The following ADAMTSL1 variants were observed in gnomAD, a reference collection of about 807,000 sequenced individuals.
The protein encoded by ADAMTSL1 is ADAMTS-like protein 1.
A neutral mutation model predicts 201.8 loss-of-function variants in ADAMTSL1; 126 were observed. The observed-to-expected ratio is 0.62, with a 90% CI of 0.54 to 0.72. The LOEUF (loss-of-function observed/expected upper bound fraction) is 0.72. ADAMTSL1 is among the 30% of genes least tolerant of loss of function. ADAMTSL1 has a pLI of 0.00. For synonymous variants in ADAMTSL1, 1,121 were observed against 903.4 expected (o/e 1.24, Z -4.32); for missense variants, 2,679 against 2,277.8 (o/e 1.18, Z -3.59).
intron 23 of ADAMTSL1, among the ~76,000 whole-genome samples, chr9:18,847,582 G>A (rs1826207823): frequency 6.6e-6 from 1 of 152,236 alleles, no homozygotes; most frequent in African/African-American, 2.4e-5. Flanking sequence ...CAACAGGCCA[G>A]AGAGGGCTCA....
rs746376990 is a variant in ADAMTSL1, at chr9:18,908,441, G to C, written c.5183-1G>C. On this transcript the variant is annotated splice_acceptor_variant, in intron 28 of 28. Coordinates refer to ENST00000380548, the MANE Select transcript of ADAMTSL1 (RefSeq NM_001040272.6). LOFTEE classifies it high-confidence loss of function. ...CTCCCGACCCCGTCCTCCTTTCCCA[G>C]TGGAGTGCAGAGACACCACCAGGTA... The C allele has an allele frequency of 1.9e-6, 3 of 1,555,550 alleles. No individual in the cohort carries two copies. The highest frequency in any genetic ancestry group is 1.9e-5 in the Admixed American group (1 of 51,316).
chr9:18,099,355 A>ATATATATATATATATATATATATATATAT (rs1239180390), intron 1 of ADAMTSL1, among the ~76,000 whole-genome samples: 3 of 45,546 alleles, frequency 6.6e-5, no homozygotes, highest in Non-Finnish European at 8.1e-5. Context: ...ATATATATAT[A>ATATATATATATATATATATATATATATAT]TTTTTTTTTT....
chr9:17,935,337 C>T (rs1826961870), intron 1 of ADAMTSL1, among the ~76,000 whole-genome samples: 1 of 152,110 alleles, frequency 6.6e-6, no homozygotes, highest in African/African-American at 2.4e-5. Context: ...TCATTTTTTT[C>T]CACACCTACT....
chr9:18,699,632 T>G (rs1360594869), intron 13 of ADAMTSL1, among the ~76,000 whole-genome samples: 1 of 152,188 alleles, frequency 6.6e-6, no homozygotes, highest in Non-Finnish European at 1.5e-5. Context: ...GCCTGGCCAC[T>G]TTAATATGTT....
chr9:17,926,397 C>A (rs757455007), intron 1 of ADAMTSL1, among the ~76,000 whole-genome samples: 2 of 152,136 alleles, frequency 1.3e-5, no homozygotes, highest in African/African-American at 2.4e-5. Flanking sequence ...TTTCACCACT[C>A]GGCCACATCA....
chr9:18,378,034 C>T (rs1398534884), intron 2 of ADAMTSL1, among the ~76,000 whole-genome samples: 4 of 152,104 alleles, frequency 2.6e-5, no homozygotes, highest in African/African-American at 4.8e-5. Flanking sequence ...GATGAGCCCC[C>T]GATGATGAGA....
intron 1 of ADAMTSL1, among the ~76,000 whole-genome samples, chr9:18,103,415 A>G (rs1316807196): frequency 6.6e-6 from 1 of 152,180 alleles, no homozygotes; most frequent in Non-Finnish European, 1.5e-5. Context: ...GGGGATTTTT[A>G]TGATGTCAAG....
At chr9:18,705,343 C>T (rs969643967) in intron 13 of ADAMTSL1, among the ~76,000 whole-genome samples, 4 of 152,176 alleles carry the variant, frequency 2.6e-5, no homozygotes, top group Non-Finnish European at 5.9e-5. Context: ...AAGTTTTTGT[C>T]TGAATTACAC....
At chr9:18,626,684 G>A (rs1826375110) in intron 5 of ADAMTSL1, among the ~76,000 whole-genome samples, 1 of 152,158 alleles carries the variant, frequency 6.6e-6, no homozygotes, top group African/African-American at 2.4e-5. Context: ...ACTGAGAATA[G>A]ACTGTAGTTG....
At chr9:18,795,269 G>C in intron 19 of ADAMTSL1, 128 bp from the exon 20 acceptor site, 1 of 1,201,252 alleles carries the variant, frequency 8.3e-7, no homozygotes, top group Non-Finnish European at 1.2e-6. Context: ...CCTTGTAGCT[G>C]GTTTGTCTCT....
chr9:18,049,322 T>C (rs979718621), intron 1 of ADAMTSL1, among the ~76,000 whole-genome samples: 2 of 152,146 alleles, frequency 1.3e-5, no homozygotes, highest in African/African-American at 4.8e-5. Context: ...CCTCTACCAG[T>C]GGTGATTTTC....
intron 1 of ADAMTSL1, among the ~76,000 whole-genome samples, chr9:18,156,047 G>A (rs1339342769): frequency 6.6e-6 from 1 of 152,002 alleles, no homozygotes; most frequent in African/African-American, 2.4e-5. Flanking sequence ...GCAGCCTAGT[G>A]CTAGGAAAGT....
At chr9:18,495,774 G>T (rs1277208325) in intron 1 of ADAMTSL1, among the ~76,000 whole-genome samples, 1 of 152,168 alleles carries the variant, frequency 6.6e-6, no homozygotes, top group Non-Finnish European at 1.5e-5. Flanking sequence ...AGGTGGGGGA[G>T]TGATACCTAT....
At chr9:17,963,269 T>C (rs759296059) in intron 1 of ADAMTSL1, among the ~76,000 whole-genome samples, 58 of 152,326 alleles carry the variant, frequency 3.8e-4, no homozygotes, top group Non-Finnish European at 6.0e-4. Context: ...TGTTTTGCTA[T>C]GTTTGCTTTA....
intron 2 of ADAMTSL1, among the ~76,000 whole-genome samples, chr9:18,424,215 C>G (rs899690814): frequency 4.6e-5 from 7 of 152,200 alleles, no homozygotes; most frequent in Admixed American, 4.6e-4. Context: ...ATTTCCAAGA[C>G]TCTCTGATGA....
chr9:18,131,250 A>T (rs1221032763), intron 1 of ADAMTSL1, among the ~76,000 whole-genome samples: 1 of 152,154 alleles, frequency 6.6e-6, no homozygotes, highest in Non-Finnish European at 1.5e-5. Context: ...TTTGTGCCAC[A>T]TTTTATGGTA....
chr9:18,089,122 A>C (rs1320764289), intron 1 of ADAMTSL1, among the ~76,000 whole-genome samples: 1 of 152,202 alleles, frequency 6.6e-6, no homozygotes, highest in East Asian at 1.9e-4. Flanking sequence ...ATTGCGCTGC[A>C]GCCTGGGCGA....
intron 1 of ADAMTSL1, among the ~76,000 whole-genome samples, chr9:18,106,550 G>A (rs1348196883): frequency 2.6e-5 from 4 of 152,162 alleles, no homozygotes; most frequent in African/African-American, 9.7e-5. Flanking sequence ...TGTAAAGACA[G>A]CCCGAGTTTA....
chr9:18,276,817 G>A (rs1352410999), intron 2 of ADAMTSL1, among the ~76,000 whole-genome samples: 1 of 152,164 alleles, frequency 6.6e-6, no homozygotes, highest in Non-Finnish European at 1.5e-5. Context: ...ATAGCACCAA[G>A]CTATTCATGG....
Sources: allele counts gnomAD v4.1 joint callset (sites outside exome capture counted in the v4.1 genomes callset), GRCh38; gene constraint gnomAD v4.1.1; transcripts MANE v1.5; gene names NCBI Gene and HGNC (gene_info 2026-07-23, HGNC 2026-07-21).